PDE4D: variants seen among roughly 807,000 people sequenced by gnomAD.
PDE4D encodes 3',5'-cyclic-AMP phosphodiesterase 4D.
PDE4D carries 24 observed loss-of-function variants against 87.4 expected under a neutral mutation model. The observed-to-expected ratio is 0.27, with a 90% CI of 0.20 to 0.39. The LOEUF is 0.39. Among genes scored for constraint, PDE4D ranks in the 10% least tolerant of loss-of-function variants. The pLI, the probability that PDE4D is intolerant of heterozygous loss-of-function variation, is 1.00. For missense variants in PDE4D, 714 were observed against 1,041.0 expected (o/e 0.69, Z 4.32); for synonymous variants, 384 against 383.2 (o/e 1.00, Z -0.02).
intron 1 of PDE4D, among the ~76,000 whole-genome samples, chr5:59,649,932 T>TTTTTTTTTTTTTTTTTTTTTTG (rs1219411329): frequency 7.1e-6 from 1 of 141,834 alleles, no homozygotes; most frequent in African/African-American, 2.6e-5. Context: ...TTTTTTTTTT[T>TTTTTTTTTTTTTTTTTTTTTTG]AGCAATGACC....
chr5:59,758,218 G>A (rs1761522589), intron 1 of PDE4D, among the ~76,000 whole-genome samples: 1 of 152,042 alleles, frequency 6.6e-6, no homozygotes, highest in Non-Finnish European at 1.5e-5. Context: ...ACTTTTTCTG[G>A]GCCTCAGCAG....
chr5:59,311,658 G>A lies in PDE4D; in HGVS notation c.456-95690C>T, dbSNP rs574362377. On this transcript the variant is annotated intron_variant, in intron 1 of 14. Coordinates refer to ENST00000340635, the MANE Select transcript of PDE4D (RefSeq NM_001104631.2). ...CCTTGGATGCATCCTTAAAATCTGC[G>A]ATAAATCCAACCACCAAACCCTAAA... 4.6e-5 allele frequency among the ~76,000 whole-genome samples: 7 copies of A among 151,928 alleles called. No homozygotes were observed. The South Asian group carries it at 6.2e-4, about 14-fold the overall frequency.
intron 1 of PDE4D, among the ~76,000 whole-genome samples, chr5:59,284,538 C>T (rs1345420179): frequency 6.6e-6 from 1 of 151,004 alleles, no homozygotes. Context: ...GTTAGAATGG[C>T]AATCATTAAA....
At chr5:59,414,213 TTTG>T (rs774538621) in intron 1 of PDE4D, among the ~76,000 whole-genome samples, 7 of 152,168 alleles carry the variant, frequency 4.6e-5, no homozygotes, top group Non-Finnish European at 1.0e-4. Context: ...CACCTTATGT[TTTG>T]TTACTGTGAT....
chr5:59,774,808 C>T (rs957805414), intron 1 of PDE4D, among the ~76,000 whole-genome samples: 8 of 151,884 alleles, frequency 5.3e-5, no homozygotes, highest in Non-Finnish European at 8.8e-5. Flanking sequence ...CTGCCTCAGC[C>T]TCCTGAGTAG....
chr5:60,015,950 C>T (rs139728370), intron 2 of PDE4D, among the ~76,000 whole-genome samples: 270 of 151,084 alleles, frequency 1.8e-3, no homozygotes, highest in Non-Finnish European at 2.7e-3. Flanking sequence ...TGCAGTGGCA[C>T]GATCTCGGCT....
intron 1 of PDE4D, among the ~76,000 whole-genome samples, chr5:59,594,274 A>C (rs1451037802): frequency 6.6e-6 from 1 of 150,844 alleles, no homozygotes; most frequent in Non-Finnish European, 1.5e-5. Flanking sequence ...CCACACCACC[A>C]CCCACATAAC....
intron 1 of PDE4D, among the ~76,000 whole-genome samples, chr5:60,400,876 G>A (rs757800906): frequency 6.6e-6 from 1 of 152,198 alleles, no homozygotes; most frequent in African/African-American, 2.4e-5. Context: ...AGGTTGCAGT[G>A]AGCCGAGATC....
chr5:60,232,011 C>A (rs1229003980), intron 1 of PDE4D, among the ~76,000 whole-genome samples: 1 of 151,944 alleles, frequency 6.6e-6, no homozygotes, highest in Admixed American at 6.6e-5. Flanking sequence ...TCCCTCTAAT[C>A]ATTCTCATTA....
chr5:59,192,339 T>C (rs1744517263), intron 3 of PDE4D, among the ~76,000 whole-genome samples: 1 of 152,222 alleles, frequency 6.6e-6, no homozygotes, highest in African/African-American at 2.4e-5. Flanking sequence ...TAGCATTTTA[T>C]AAGCGTGGTA....
chr5:59,024,521 C>A (rs1426964898), intron 6 of PDE4D, among the ~76,000 whole-genome samples: 1 of 152,076 alleles, frequency 6.6e-6, no homozygotes, highest in Non-Finnish European at 1.5e-5. Flanking sequence ...TTTGAAAGAA[C>A]AAATTCCCCT....
chr5:60,069,842 A>G (rs1188686459), intron 2 of PDE4D, among the ~76,000 whole-genome samples: 2 of 152,036 alleles, frequency 1.3e-5, no homozygotes, highest in Non-Finnish European at 2.9e-5. Flanking sequence ...TTTGCTTAGT[A>G]TCTTTCATCA....
chr5:59,132,138 T>TA (rs1171180114), intron 5 of PDE4D, among the ~76,000 whole-genome samples: 1 of 152,180 alleles, frequency 6.6e-6, no homozygotes, highest in Non-Finnish European at 1.5e-5. Context: ...AGTTAAAATG[T>TA]AAAAAGTTTA....
intron 1 of PDE4D, among the ~76,000 whole-genome samples, chr5:60,420,261 C>T (rs540116179): frequency 5.3e-5 from 8 of 152,248 alleles, no homozygotes; most frequent in African/African-American, 1.4e-4. Flanking sequence ...CAAGTAAAGA[C>T]TATGTCCTAA....
chr5:60,172,297 C>A (rs1430521604), intron 2 of PDE4D, among the ~76,000 whole-genome samples: 1 of 150,230 alleles, frequency 6.7e-6, no homozygotes, highest in Non-Finnish European at 1.5e-5. Context: ...CACACACACA[C>A]ACAAATATGC....
chr5:59,609,060 G>A (rs996924031), intron 1 of PDE4D, among the ~76,000 whole-genome samples: 5 of 152,126 alleles, frequency 3.3e-5, no homozygotes, highest in Admixed American at 6.6e-5. Context: ...CCAACAACTC[G>A]TGAGAGACCC....
rs11401918 is a variant in PDE4D, at chr5:59,071,544, GT to G, written c.809-32574del. 4.1e-3 allele frequency among the ~76,000 whole-genome samples: 574 copies of G among 140,628 alleles called. 3 individuals are homozygous for G. In the East Asian group the frequency reaches 0.046, roughly 11 times the overall value. The allele number at this position is 140,628 out of a possible 152,430, so 92.3% of individuals were successfully genotyped here. A position where few individuals can be genotyped will look rare whatever the true frequency, so the allele number is the denominator to read the frequency against. Reference sequence around the variant, plus strand: ...GAGCTCTTTTCCTATTCTCTGAGTTGTTTTTTTTTTTTCCATAGCATCTGCT... The same window carrying G: ...GAGCTCTTTTCCTATTCTCTGAGTTGTTTTTTTTTTTCCATAGCATCTGCT... On this transcript the variant is annotated intron_variant, in intron 5 of 14. Coordinates refer to ENST00000340635, the MANE Select transcript of PDE4D (RefSeq NM_001104631.2).
At chr5:60,306,367 T>A (rs1210626071) in intron 1 of PDE4D, among the ~76,000 whole-genome samples, 2 of 151,968 alleles carry the variant, frequency 1.3e-5, no homozygotes, top group Non-Finnish European at 2.9e-5. Context: ...AGGGTTCTCA[T>A]CATTTTAAAA....
At chr5:59,515,582 T>C (rs1278494545) in intron 1 of PDE4D, among the ~76,000 whole-genome samples, 1 of 152,194 alleles carries the variant, frequency 6.6e-6, no homozygotes, top group Non-Finnish European at 1.5e-5. Context: ...TAAAAGTACA[T>C]CAAAGTTTGA....
Sources: allele counts gnomAD v4.1 joint callset (sites outside exome capture counted in the v4.1 genomes callset), GRCh38; gene constraint gnomAD v4.1.1; transcripts MANE v1.5; gene names NCBI Gene and HGNC (gene_info 2026-07-23, HGNC 2026-07-21).